Variants in SPIDR observed in about 807,000 individuals in gnomAD.
SPIDR encodes scaffold protein involved in DNA repair, also known as DNA repair-scaffolding protein.
In SPIDR, 93 loss-of-function variants were observed where a neutral mutation model predicts 104.6. The ratio of observed to expected loss-of-function variants is 0.89; its 90% CI spans 0.75 to 1.06. The LOEUF (loss-of-function observed/expected upper bound fraction) is 1.06, where lower values mean the gene tolerates loss of function less well. Ranked by LOEUF, SPIDR falls within the 50% of genes least tolerant of loss-of-function variation. SPIDR has a pLI of 0.00. For synonymous variants in SPIDR, 431 were observed against 416.9 expected (o/e 1.03, Z -0.41); for missense variants, 1,154 against 1,111.2 (o/e 1.04, Z -0.55).
chr8:47,573,267 C>T (rs1319381262), intron 8 of SPIDR, among the ~76,000 whole-genome samples: 1 of 152,156 alleles, frequency 6.6e-6, no homozygotes, highest in Admixed American at 6.5e-5. Flanking sequence ...CAGTAAGTGA[C>T]TAGTTAAAAG....
At chr8:47,326,158 C>T (rs2047628576) in intron 5 of SPIDR, among the ~76,000 whole-genome samples, 1 of 152,098 alleles carries the variant, frequency 6.6e-6, no homozygotes, top group African/African-American at 2.4e-5. Context: ...CCACGTCCTG[C>T]TCGTTTCTGT....
intron 7 of SPIDR, among the ~76,000 whole-genome samples, chr8:47,414,055 A>G (rs2063889359): frequency 6.6e-6 from 1 of 152,220 alleles, no homozygotes; most frequent in Non-Finnish European, 1.5e-5. Flanking sequence ...CACATTCTTG[A>G]GACAGCACTA....
chr8:47,312,964 T>G (rs2044510984), intron 5 of SPIDR, among the ~76,000 whole-genome samples: 2 of 152,306 alleles, frequency 1.3e-5, no homozygotes, highest in South Asian at 4.1e-4. Context: ...CCCAGCACCA[T>G]TTATTAAATA....
intron 10 of SPIDR, 99 bp downstream of exon 10, chr8:47,599,295 A>C (rs1222127423): frequency 6.7e-6 from 10 of 1,482,978 alleles, no homozygotes; most frequent in Non-Finnish European, 8.2e-6. Context: ...TCTTAGCTGC[A>C]TTCACCATAT....
At chr8:47,414,328 C>G (rs2063930285) in intron 7 of SPIDR, among the ~76,000 whole-genome samples, 1 of 152,130 alleles carries the variant, frequency 6.6e-6, no homozygotes, top group Non-Finnish European at 1.5e-5. Flanking sequence ...ACATGTATGA[C>G]TGGTGGTCCA....
intron 11 of SPIDR, among the ~76,000 whole-genome samples, chr8:47,692,143 TG>T (rs1311033740): frequency 6.6e-6 from 1 of 152,244 alleles, no homozygotes; most frequent in Admixed American, 6.5e-5. Flanking sequence ...CTTAAGTTAA[TG>T]ACACTTTTTA....
At chr8:47,731,161 C>G (rs1438797240) in intron 19 of SPIDR, among the ~76,000 whole-genome samples, 1 of 151,646 alleles carries the variant, frequency 6.6e-6, no homozygotes, top group Admixed American at 6.6e-5. Flanking sequence ...GAGGCTGAGG[C>G]AGGAGAATCA....
At chr8:47,703,331 T>C (rs879661234) in intron 14 of SPIDR, among the ~76,000 whole-genome samples, 3 of 152,258 alleles carry the variant, frequency 2.0e-5, no homozygotes, top group Admixed American at 6.5e-5. Context: ...ACTAAAAGAA[T>C]ATGTTTCATA....
chr8:47,589,958 A>G (rs2060790738), intron 8 of SPIDR, among the ~76,000 whole-genome samples: 1 of 152,086 alleles, frequency 6.6e-6, no homozygotes, highest in Non-Finnish European at 1.5e-5. Context: ...ACCTGAGATC[A>G]GGAGTTTGAG....
intron 8 of SPIDR, among the ~76,000 whole-genome samples, chr8:47,498,482 A>G (rs192403363): frequency 1.1e-4 from 16 of 152,294 alleles, no homozygotes; most frequent in Admixed American, 4.6e-4. Flanking sequence ...ATACAAAACA[A>G]TGCTTAAGTT....
chr8:47,347,670 C>G lies in SPIDR; in HGVS notation c.526-48706C>G, dbSNP rs957851467. Among the ~76,000 whole-genome samples, 3 of 152,254 alleles carry G rather than the reference C, an allele frequency of 2.0e-5. No homozygotes were observed. The South Asian group carries it at 6.2e-4, about 32-fold the overall frequency. On this transcript the variant is annotated intron_variant, in intron 5 of 19. Coordinates refer to ENST00000297423, the MANE Select transcript of SPIDR (RefSeq NM_001080394.4). Reference sequence around the variant, plus strand: ...GTGCATACATATTTAGGATAGTTAGCTCTTCTTGTTGATCCCTTTACCATT... The same window carrying G: ...GTGCATACATATTTAGGATAGTTAGGTCTTCTTGTTGATCCCTTTACCATT...
intron 5 of SPIDR, among the ~76,000 whole-genome samples, chr8:47,371,487 G>A (rs558210003): frequency 6.1e-4 from 93 of 152,232 alleles, no homozygotes; most frequent in Admixed American, 1.8e-3. Flanking sequence ...GTTCTGGTGA[G>A]GGCCCTTTTC....
intron 10 of SPIDR, among the ~76,000 whole-genome samples, chr8:47,647,353 G>T (rs948727077): frequency 6.6e-6 from 1 of 152,132 alleles, no homozygotes; most frequent in African/African-American, 2.4e-5. Flanking sequence ...AGTGGCTCAC[G>T]CCTGTAATCC....
intron 19 of SPIDR, among the ~76,000 whole-genome samples, chr8:47,734,306 G>A (rs187633398): frequency 1.3e-3 from 198 of 152,212 alleles, no homozygotes; most frequent in African/African-American, 3.9e-3. Flanking sequence ...CCCTTCCACC[G>A]CACTGTGTTC....
At chr8:47,472,119 T>A (rs1041314973) in intron 8 of SPIDR, among the ~76,000 whole-genome samples, 8 of 152,198 alleles carry the variant, frequency 5.3e-5, no homozygotes, top group African/African-American at 1.9e-4. Flanking sequence ...TCTTCCCCAT[T>A]TTCTATACAG....
intron 8 of SPIDR, among the ~76,000 whole-genome samples, chr8:47,465,451 C>T (rs1343522468): frequency 5.3e-5 from 8 of 152,164 alleles, no homozygotes; most frequent in Middle Eastern, 3.4e-3. Context: ...GCCCAATAGA[C>T]GGCTGGGCAC....
intron 10 of SPIDR, among the ~76,000 whole-genome samples, chr8:47,622,318 G>C (rs1046216940): frequency 9.2e-5 from 14 of 152,204 alleles, no homozygotes; most frequent in African/African-American, 3.4e-4. Context: ...GGAGAGGGCA[G>C]GAGAAGGTTT....
intron 10 of SPIDR, among the ~76,000 whole-genome samples, chr8:47,638,349 G>T (rs979087986): frequency 6.6e-6 from 1 of 152,114 alleles, no homozygotes; most frequent in Admixed American, 6.5e-5. Flanking sequence ...TCTCACTATT[G>T]CCCAGGCTGG....
At chr8:47,283,494 A>T (rs1198287337) in intron 2 of SPIDR, among the ~76,000 whole-genome samples, 1 of 152,362 alleles carries the variant, frequency 6.6e-6, no homozygotes, top group East Asian at 1.9e-4. Flanking sequence ...TCAAAATATG[A>T]CACAGAGACA....
Sources: allele counts gnomAD v4.1 joint callset (sites outside exome capture counted in the v4.1 genomes callset), GRCh38; gene constraint gnomAD v4.1.1; transcripts MANE v1.5; gene names NCBI Gene and HGNC (gene_info 2026-07-23, HGNC 2026-07-21).